SYNGR1: variants seen among roughly 807,000 people sequenced by gnomAD.
SYNGR1 encodes the protein synaptogyrin-1.
In SYNGR1, 14 loss-of-function variants were observed where a neutral mutation model predicts 26.1. That is an observed-to-expected ratio of 0.54 (90% CI 0.35 to 0.84). SYNGR1 has a LOEUF of 0.84. Among genes scored for constraint, SYNGR1 ranks in the 40% least tolerant of loss-of-function variants. The pLI, the probability that SYNGR1 is intolerant of heterozygous loss-of-function variation, is 0.01. For missense variants in SYNGR1, 319 were observed against 332.9 expected, an observed-to-expected ratio of 0.96 and a Z score of 0.33; for synonymous variants, 141 against 150.1, an observed-to-expected ratio of 0.94 and a Z score of 0.44.
Position 39,382,142 on chromosome 22 carries a change from G to T in SYNGR1, c.*228G>T. 1.7e-6 allele frequency: 1 copy of T among 603,142 alleles called. No homozygotes were observed. The highest frequency in any genetic ancestry group is 2.9e-6 in the Non-Finnish European group (1 of 339,366). 37.4% of individuals were successfully genotyped at this position (603,142 alleles called of 1,614,324 possible). ...GCCCCGCAGGGGCCTAGAGGGTGGG[G>T]GCCAGGGGTATTTGCATTCATACAT... On this transcript the variant is annotated 3_prime_UTR_variant, in exon 4 of 4. Coordinates refer to ENST00000328933, the MANE Select transcript of SYNGR1 (RefSeq NM_004711.5).
chr22:39,355,337 C>T (rs541547518), intron 1 of SYNGR1, among the ~76,000 whole-genome samples: 1 of 152,348 alleles, frequency 6.6e-6, no homozygotes, highest in South Asian at 2.1e-4. Flanking sequence ...TGTCCTCTCC[C>T]AGTACCGGGC....
At chr22:39,376,278 T>C (rs1925279701) in intron 3 of SYNGR1, 81 bp downstream of exon 3, 4 of 1,606,248 alleles carry the variant, frequency 2.5e-6, no homozygotes, top group Non-Finnish European at 3.4e-6. Context: ...TTCGCTAGCC[T>C]GGGACCCGCT....
rs962267582 is a variant in SYNGR1 at position 39,374,253 on chromosome 22, G to A, written c.100-63G>A. On this transcript the variant is annotated intron_variant, in intron 1 of 3. Transcript: ENST00000328933. The stretch of plus-strand genomic sequence containing the variant: ...AGCAGGCGAGGGTGGCAGCCTCCCC[G>A]TCCCCTGGGTGGTGTGAGGCAGGGG... The A allele has an allele frequency of 2.0e-5, 31 of 1,530,528 alleles. No individual in the cohort carries two copies. In the South Asian group the frequency reaches 2.6e-4, roughly 13 times the overall value. 94.8% of individuals were successfully genotyped at this position (1,530,528 alleles called of 1,614,324 possible).
intron 1 of SYNGR1, among the ~76,000 whole-genome samples, chr22:39,372,190 G>A (rs1342680027): frequency 6.8e-6 from 1 of 147,936 alleles, no homozygotes; most frequent in African/African-American, 2.6e-5. Flanking sequence ...GAGTGCAGTG[G>A]GGTTGATCTT....
rs566040065 is a variant in SYNGR1, at chr22:39,374,724, G to C, written c.337+171G>C. ...CTGGCAGCAGGAAGGATGGGACCAGGACAGGGCCTGGGACCCCAAAATAAC... is the reference window on the plus strand; with the variant it reads ...CTGGCAGCAGGAAGGATGGGACCAGCACAGGGCCTGGGACCCCAAAATAAC... On this transcript the variant is annotated intron_variant, in intron 2 of 3. Transcript: ENST00000328933. The C allele has an allele frequency of 1.2e-5, 9 of 728,286 alleles. No individual in the cohort carries two copies. The South Asian group carries it at 1.5e-4, about 12-fold the overall frequency. The allele number at this position is 728,286 out of a possible 1,614,324, so 45.1% of individuals were successfully genotyped here. A position where few individuals can be genotyped will look rare whatever the true frequency, so the allele number is the denominator to read the frequency against.
intron 1 of SYNGR1, among the ~76,000 whole-genome samples, chr22:39,369,384 CT>C (rs889512831): frequency 2.0e-5 from 3 of 152,158 alleles, no homozygotes; most frequent in African/African-American, 7.2e-5. Context: ...TCTGTCCTGA[CT>C]TCACAGGCGC....
In SYNGR1 at chr22:39,350,008, A is replaced by C; in HGVS notation, c.-3A>C. 1 of 1,275,536 alleles carries C rather than the reference A, an allele frequency of 7.8e-7. No homozygotes were observed. The allele number at this position is 1,275,536 out of a possible 1,614,324, so 79.0% of individuals were successfully genotyped here. On this transcript the variant is annotated 5_prime_UTR_variant, in exon 1 of 4. Transcript: ENST00000328933. The surrounding 1 kb of genome is among the most constrained non-coding windows in gnomAD (Gnocchi z 4.3). The stretch of plus-strand genomic sequence containing the variant: ...CGGGGGGCACCGCGCGGGTGCAGCC[A>C]CGATGGAAGGGGGTGCGTACGGAGC...
At chr22:39,373,545 T>C (rs1285381672) in intron 1 of SYNGR1, among the ~76,000 whole-genome samples, 1 of 152,124 alleles carries the variant, frequency 6.6e-6, no homozygotes, top group Non-Finnish European at 1.5e-5. Context: ...TGCAGTGGCA[T>C]GATCACGGTT....
In SYNGR1 at chr22:39,377,117, C is replaced by T. The variant is rs1925318837; in HGVS notation, c.483+920C>T. The T allele has an allele frequency of 3.3e-6, 5 of 1,536,512 alleles. No individual in the cohort carries two copies. In the South Asian group the frequency reaches 6.1e-5, roughly 19 times the overall value. On this transcript the variant is annotated intron_variant, in intron 3 of 3. Transcript: ENST00000328933. ...CGGCGAGCACTTCTGGGCCCAGCCT[C>T]CTGCAAGGAGACTCTTGAGGCTACA...
intron 3 of SYNGR1, chr22:39,378,503 C>T (rs1925390553): frequency 4.1e-6 from 4 of 981,408 alleles, no homozygotes; most frequent in Non-Finnish European, 4.8e-6. Flanking sequence ...TCTGGTTCTA[C>T]ACAGGTTTCC....
At chr22:39,369,223 A>G (rs914070575) in intron 1 of SYNGR1, among the ~76,000 whole-genome samples, 3 of 152,166 alleles carry the variant, frequency 2.0e-5, no homozygotes, top group African/African-American at 4.8e-5. Flanking sequence ...GTTGCAGTAC[A>G]CCAGTGCAAG....
chr22:39,369,092 G>A (rs1924902588), intron 1 of SYNGR1, among the ~76,000 whole-genome samples: 2 of 152,216 alleles, frequency 1.3e-5, no homozygotes, highest in African/African-American at 4.8e-5. Flanking sequence ...TGATTCCTCA[G>A]TGTCTGAAGT....
In SYNGR1 at chr22:39,381,864, G is replaced by A. The variant is rs775549569; in HGVS notation, c.652G>A (p.Ala218Thr). 6.2e-7 allele frequency: 1 copy of A among 1,612,758 alleles called. No individual in the cohort carries two copies. The highest frequency in any genetic ancestry group is 8.5e-7 in the Non-Finnish European group (1 of 1,179,834). Residue 218 changes from alanine to threonine, a missense_variant, in exon 4 of 4, where the codon GCC becomes ACC. By Grantham distance (58) the Ala-to-Thr change is moderately conservative (BLOSUM62 0). Transcript: ENST00000328933. ...TATGGGCGGCACCTACCAGCAGCCG[G>A]CCAACACCTTCGACACCGAGCCCCA... ...AGMGGTYQQP[A>T]NTFDTEPQGY...
intron 1 of SYNGR1, among the ~76,000 whole-genome samples, chr22:39,369,692 A>G (rs889648563): frequency 2.6e-5 from 4 of 152,170 alleles, no homozygotes; most frequent in African/African-American, 9.7e-5. Context: ...TACTCTGCCA[A>G]TTGGGAACAC....
intron 1 of SYNGR1, chr22:39,364,228 G>T: frequency 6.2e-7 from 1 of 1,613,894 alleles, no homozygotes; most frequent in South Asian, 1.1e-5. Flanking sequence ...TCTGGAATTC[G>T]ATCCTTCATG....
chr22:39,365,923 A>G (rs559115633), intron 1 of SYNGR1, among the ~76,000 whole-genome samples: 206 of 149,870 alleles, frequency 1.4e-3, no homozygotes, highest in African/African-American at 4.6e-3. Context: ...GTCTCAAGCA[A>G]TCTGCCCACC....
At chr22:39,377,795 C>G (rs1925356012) in intron 3 of SYNGR1, 2 of 1,541,774 alleles carry the variant, frequency 1.3e-6, no homozygotes, top group Non-Finnish European at 1.7e-6. Context: ...GCATGCAGGG[C>G]AGTGGAAGGC....
chr22:39,375,147 C>A, intron 2 of SYNGR1: 1 of 165,270 alleles, frequency 6.1e-6, no homozygotes, highest in East Asian at 1.8e-4. Flanking sequence ...AGGCTTCAGC[C>A]TCGCTGTTCT....
intron 1 of SYNGR1, chr22:39,364,267 G>T: frequency 1.2e-6 from 2 of 1,614,102 alleles, no homozygotes; most frequent in South Asian, 2.2e-5. Context: ...GAGGTCGTGG[G>T]TGAGCTGGAG....
Sources: gnomAD v4.1 joint callset for allele counts (sites outside exome capture counted in the v4.1 genomes callset) on GRCh38, gnomAD v4.1.1 for gene constraint, Gnocchi (gnomAD v3.1) non-coding constraint, MANE v1.5 for transcripts, NCBI Gene and HGNC (gene_info 2026-07-23, HGNC 2026-07-21) for gene names.